LNX2: variants seen among roughly 807,000 people sequenced by gnomAD.
LNX2 encodes ligand of numb-protein X 2.
LNX2 carries 35 observed loss-of-function variants against 66.2 expected under a neutral mutation model. The ratio of observed to expected loss-of-function variants is 0.53; its 90% CI spans 0.40 to 0.70. The LOEUF is 0.70. LNX2 is among the 30% of genes least tolerant of loss of function. LNX2 has a pLI of 0.00. For synonymous variants in LNX2, 337 were observed against 315.6 expected, an observed-to-expected ratio of 1.07 and a Z score of -0.72; for missense variants, 791 against 850.8, an observed-to-expected ratio of 0.93 and a Z score of 0.87.
intron 2 of LNX2, among the ~76,000 whole-genome samples, chr13:27,570,987 G>A (rs1040678242): frequency 2.0e-5 from 3 of 152,152 alleles, no homozygotes; most frequent in Non-Finnish European, 4.4e-5. Context: ...TGTTAGAGAG[G>A]TAAAGTAACA....
At position 27,620,496 on chromosome 13, in the gene LNX2, TCGCCGCCGCCGC is replaced by T. The variant is rs530368033; in HGVS notation, c.-234_-223del. 9 of 171,626 alleles carry T rather than the reference TCGCCGCCGCCGC, an allele frequency of 5.2e-5. No homozygotes were observed. Among genetic ancestry groups the T allele is most frequent in the African/African-American group, 7.2e-5 (3 of 41,552 alleles). 10.6% of individuals were successfully genotyped at this position (171,626 alleles called of 1,614,324 possible). A position where few individuals can be genotyped will look rare whatever the true frequency, so the allele number is the denominator to read the frequency against. ...CTGCCCGGCTCCGCTCCGCCAGGAA[TCGCCGCCGCCGC>T]CGCCGCCGCCGCGGATTTCCTGGCA... is the stretch of plus-strand genomic sequence containing the variant. On this transcript the variant is annotated 5_prime_UTR_variant, in exon 1 of 10. Transcript: ENST00000316334.
intron 1 of LNX2, among the ~76,000 whole-genome samples, chr13:27,605,090 A>C (rs923350015): frequency 6.6e-6 from 1 of 152,178 alleles, no homozygotes; most frequent in African/African-American, 2.4e-5. Flanking sequence ...CTCTGCAACA[A>C]AGAACCAATT....
chr13:27,602,833 T>C (rs1955673593), intron 1 of LNX2, among the ~76,000 whole-genome samples: 1 of 152,170 alleles, frequency 6.6e-6, no homozygotes, highest in Non-Finnish European at 1.5e-5. Context: ...TTGTCAACAT[T>C]TGATGCTGTC....
At position 27,547,285 on chromosome 13, in the gene LNX2, C is replaced by T. The variant is rs1954951158; in HGVS notation, c.*1050G>A. Reference sequence around the variant, plus strand: ...TTCAAAATTTCCCTACATAGCAAAACATTCCTCTGGAAATAGATTTTTAAT... The same window carrying T: ...TTCAAAATTTCCCTACATAGCAAAATATTCCTCTGGAAATAGATTTTTAAT... On this transcript the variant is annotated 3_prime_UTR_variant, in exon 10 of 10. Coordinates refer to ENST00000316334, the MANE Select transcript of LNX2 (RefSeq NM_153371.4). The T allele has an allele frequency of 6.6e-6, 1 of 152,172 alleles. No homozygotes were observed. Among genetic ancestry groups the T allele is most frequent in the Non-Finnish European group, 1.5e-5 (1 of 68,012 alleles). The allele number at this position is 152,172 out of a possible 1,614,324, so 9.4% of individuals were successfully genotyped here.
Position 27,553,351 on chromosome 13 carries a change from G to C in LNX2, c.1635C>G (p.Ser545=). The C allele has an allele frequency of 6.2e-7, 1 of 1,614,118 alleles. No individual in the cohort carries two copies. Among genetic ancestry groups the C allele is most frequent in the Non-Finnish European group, 8.5e-7 (1 of 1,180,024 alleles). Residue 545 remains serine (S), a synonymous_variant, in exon 8 of 10, where the codon TCC becomes TCG. Transcript: ENST00000316334. ...CAAGTGCTTTAAGGGCAACAGCAGG[G>C]GACGCGGCACTGGCTTTCAGCATTG... ...AVAMLKASAA[S]PAVALKALEV... is the part of the protein sequence containing the mutation.
chr13:27,564,313 A>AT (rs776633464), intron 4 of LNX2, among the ~76,000 whole-genome samples: 4 of 152,198 alleles, frequency 2.6e-5, no homozygotes, highest in Non-Finnish European at 5.9e-5. Context: ...TTGTTTCTAG[A>AT]TTTTGTAAAA....
intron 9 of LNX2, among the ~76,000 whole-genome samples, chr13:27,548,902 C>T (rs562779646): frequency 4.2e-4 from 64 of 152,272 alleles, no homozygotes; most frequent in South Asian, 2.1e-3. Flanking sequence ...CAGCTGTTGA[C>T]GCTCACTGTA....
Position 27,567,642 on chromosome 13 carries a change from G to T in LNX2, c.853C>A (p.Gln285Lys), listed in dbSNP as rs753746214. The T allele has an allele frequency of 1.2e-6, 2 of 1,613,284 alleles. No individual in the cohort carries two copies. The highest frequency in any genetic ancestry group is 3.3e-5 in the Admixed American group (2 of 59,984). ...AACAGAATAATTAAAACTGATACCT[G>T]AAGAATCTGGTCTCCAGCAAGAAGT... Reference protein sequence around the residue: ...GRLLAGDQILQVNNYNISNVS... With the variant: ...GRLLAGDQILKVNNYNISNVS... The change falls in exon 4 of 10, where the codon CAG (glutamine) becomes AAG (lysine). Residue 285 changes from glutamine to lysine, a missense_variant and splice_region_variant. By Grantham distance (53) the Gln-to-Lys change is moderately conservative. Coordinates refer to ENST00000316334, the MANE Select transcript of LNX2 (RefSeq NM_153371.4).
intron 2 of LNX2, among the ~76,000 whole-genome samples, chr13:27,577,088 A>C (rs1176312686): frequency 6.6e-6 from 1 of 152,230 alleles, no homozygotes; most frequent in East Asian, 1.9e-4. Flanking sequence ...CTTACAACTT[A>C]GCAAAAAGAC....
intron 7 of LNX2, among the ~76,000 whole-genome samples, chr13:27,555,568 C>T (rs1271583627): frequency 3.9e-5 from 6 of 152,176 alleles, no homozygotes; most frequent in African/African-American, 7.2e-5. Context: ...AATCCAAGGT[C>T]ATGAGGATTT....
upstream of LNX2, among the ~76,000 whole-genome samples, chr13:27,620,591 G>T (rs530277751): frequency 6.6e-6 from 1 of 152,180 alleles, no homozygotes. Context: ...CTTCCCGGGG[G>T]CAGCGCCAAG....
intron 2 of LNX2, among the ~76,000 whole-genome samples, chr13:27,577,765 C>T (rs1230946057): frequency 6.6e-6 from 1 of 152,144 alleles, no homozygotes; most frequent in Non-Finnish European, 1.5e-5. Flanking sequence ...TAAACTAGGG[C>T]ACAAACACAC....
At chr13:27,588,801 T>C (rs1955520076) in intron 1 of LNX2, among the ~76,000 whole-genome samples, 1 of 152,312 alleles carries the variant, frequency 6.6e-6, no homozygotes, top group African/African-American at 2.4e-5. Context: ...AATATCCATG[T>C]TAATAAAAAA....
chr13:27,561,222 C>A (rs2138338573), intron 5 of LNX2, among the ~76,000 whole-genome samples: 1 of 152,238 alleles, frequency 6.6e-6, no homozygotes, highest in South Asian at 2.1e-4. Context: ...TAGAATCATC[C>A]AATTGAATGA....
intron 8 of LNX2, 67 bp downstream of exon 8, chr13:27,553,141 C>T: frequency 7.7e-7 from 1 of 1,304,300 alleles, no homozygotes; most frequent in Non-Finnish European, 1.1e-6. Context: ...ATTTATCATG[C>T]TACACACTGA....
At chr13:27,572,840 C>T (rs750150466) in intron 2 of LNX2, among the ~76,000 whole-genome samples, 1 of 152,078 alleles carries the variant, frequency 6.6e-6, no homozygotes, top group African/African-American at 2.4e-5. Context: ...AACCACTGCA[C>T]AATGCCAGGT....
chr13:27,570,291 G>A (rs899570304), intron 2 of LNX2, among the ~76,000 whole-genome samples: 1 of 152,188 alleles, frequency 6.6e-6, no homozygotes, highest in African/African-American at 2.4e-5. Context: ...CAGACCTTAT[G>A]CCTAGGGTTG....
intron 2 of LNX2, among the ~76,000 whole-genome samples, chr13:27,570,477 T>C (rs1955265809): frequency 1.3e-5 from 2 of 152,334 alleles, no homozygotes; most frequent in South Asian, 4.1e-4. Flanking sequence ...CACTATGAAA[T>C]ATCTTTATTC....
At chr13:27,552,770 T>C (rs1479226782) in intron 8 of LNX2, among the ~76,000 whole-genome samples, 1 of 152,206 alleles carries the variant, frequency 6.6e-6, no homozygotes, top group Non-Finnish European at 1.5e-5. Flanking sequence ...CAATAAAAAT[T>C]GAGTTTTAAA....
Sources: allele counts gnomAD v4.1 joint callset (sites outside exome capture counted in the v4.1 genomes callset), GRCh38; gene constraint gnomAD v4.1.1; transcripts MANE v1.5; gene names NCBI Gene and HGNC (gene_info 2026-07-23, HGNC 2026-07-21).